Variants in ELP4 observed in about 807,000 individuals in gnomAD.
ELP4 encodes the protein elongator complex protein 4.
ELP4 carries 51 observed loss-of-function variants against 48.9 expected under a neutral mutation model. The ratio of observed to expected loss-of-function variants is 1.04; its 90% CI spans 0.83 to 1.32. The LOEUF (loss-of-function observed/expected upper bound fraction) is 1.32. Ranked by LOEUF, ELP4 falls within the 40% of genes most tolerant of loss-of-function variation. The probability of loss-of-function intolerance (pLI) is 0.00; values close to 1 mark genes in which losing one functional copy is unlikely to be tolerated. For missense variants in ELP4, 519 were observed against 514.6 expected, an observed-to-expected ratio of 1.01 and a Z score of -0.08; for synonymous variants, 210 against 189.2, an observed-to-expected ratio of 1.11 and a Z score of -0.90.
intron 3 of ELP4, among the ~76,000 whole-genome samples, chr11:31,572,827 A>G (rs781199108): frequency 2.0e-5 from 3 of 152,096 alleles, no homozygotes; most frequent in East Asian, 1.9e-4. Flanking sequence ...ATAGCAAGAC[A>G]CCATCTCTAC....
At chr11:31,734,939 C>T (rs1261320766) in intron 9 of ELP4, among the ~76,000 whole-genome samples, 3 of 152,162 alleles carry the variant, frequency 2.0e-5, no homozygotes, top group African/African-American at 7.2e-5. Context: ...GGAGTCTTCA[C>T]ATGTCCTGAT....
chr11:31,662,106 G>C (rs1200952927), intron 9 of ELP4, among the ~76,000 whole-genome samples: 1 of 151,892 alleles, frequency 6.6e-6, no homozygotes, highest in Admixed American at 6.6e-5. Flanking sequence ...TTAAATTAAG[G>C]ACAATTATAT....
At chr11:31,738,600 G>T (rs892498630) in intron 9 of ELP4, among the ~76,000 whole-genome samples, 1 of 152,104 alleles carries the variant, frequency 6.6e-6, no homozygotes, top group East Asian at 1.9e-4. Context: ...GCCGAGCATG[G>T]TGGAATGCGC....
intron 7 of ELP4, chr11:31,647,310 C>T (rs925373063): frequency 1.3e-5 from 2 of 157,548 alleles, no homozygotes; most frequent in African/African-American, 4.8e-5. Flanking sequence ...GGGACTCTTG[C>T]CCTATACTTT....
intron 9 of ELP4, among the ~76,000 whole-genome samples, chr11:31,667,167 AGATGTTTAGATGGCCTGAGAAGGTT>A (rs1945698076): frequency 6.6e-6 from 1 of 152,184 alleles, no homozygotes; most frequent in East Asian, 1.9e-4. Context: ...TCCCACCTGA[AGATGTTTAGATGGCCTGAGAAGGTT>A]GGCCCATAGA....
intron 7 of ELP4, among the ~76,000 whole-genome samples, chr11:31,640,829 A>G (rs1313262781): frequency 1.3e-5 from 2 of 152,118 alleles, no homozygotes; most frequent in South Asian, 4.1e-4. Flanking sequence ...TCAGCATAGT[A>G]GAGCCACTGT....
intron 9 of ELP4, among the ~76,000 whole-genome samples, chr11:31,725,193 A>AACTC (rs1947051614): frequency 5.3e-5 from 8 of 152,170 alleles, no homozygotes; most frequent in Non-Finnish European, 1.0e-4. Flanking sequence ...TGAGTTTTTC[A>AACTC]GAGGCCCTGT....
intron 9 of ELP4, among the ~76,000 whole-genome samples, chr11:31,781,786 T>A (rs1344103392): frequency 1.3e-5 from 2 of 152,056 alleles, no homozygotes; most frequent in Admixed American, 6.6e-5. Flanking sequence ...AATGAGCCAG[T>A]GTGCCTGGCC....
intron 7 of ELP4, among the ~76,000 whole-genome samples, chr11:31,638,138 A>T (rs1298106039): frequency 2.6e-5 from 4 of 151,844 alleles, no homozygotes; most frequent in Non-Finnish European, 5.9e-5. Flanking sequence ...GCTAATCTTT[A>T]TTCAAGCTGT....
intron 3 of ELP4, among the ~76,000 whole-genome samples, chr11:31,556,428 T>C (rs1197422703): frequency 6.6e-6 from 1 of 151,600 alleles, no homozygotes; most frequent in African/African-American, 2.4e-5. Flanking sequence ...AAACATTTAT[T>C]AGTAGACTGA....
intron 9 of ELP4, among the ~76,000 whole-genome samples, chr11:31,678,766 G>A (rs1044779206): frequency 2.0e-5 from 3 of 152,046 alleles, no homozygotes; most frequent in Non-Finnish European, 4.4e-5. Context: ...AACTCATTGG[G>A]TAAATATCAA....
intron 3 of ELP4, among the ~76,000 whole-genome samples, chr11:31,586,970 A>C (rs1369373242): frequency 6.6e-6 from 1 of 151,992 alleles, no homozygotes; most frequent in African/African-American, 2.4e-5. Context: ...AAACTCCATG[A>C]TCTCTCTTGA....
At chr11:31,558,499 G>A (rs1956964010) in intron 3 of ELP4, among the ~76,000 whole-genome samples, 2 of 152,146 alleles carry the variant, frequency 1.3e-5, no homozygotes, top group South Asian at 2.1e-4. Context: ...CAGAAAAGTT[G>A]TCTAAGTCAT....
intron 5 of ELP4, among the ~76,000 whole-genome samples, chr11:31,618,985 G>T (rs2134024015): frequency 6.6e-6 from 1 of 152,098 alleles, no homozygotes; most frequent in African/African-American, 2.4e-5. Flanking sequence ...GGATGGGATG[G>T]GGGTGGTCAC....
At chr11:31,512,271 T>C (rs1221444332) in intron 1 of ELP4, 10 of 152,210 alleles carry the variant, frequency 6.6e-5, no homozygotes, top group African/African-American at 2.4e-4. Flanking sequence ...GTGGTTACTG[T>C]GTAACAAGTA....
At chr11:31,728,323 A>G (rs1225132825) in intron 9 of ELP4, among the ~76,000 whole-genome samples, 1 of 152,140 alleles carries the variant, frequency 6.6e-6, no homozygotes, top group Non-Finnish European at 1.5e-5. Context: ...TTCAAAGTTC[A>G]TAAAAATGTC....
chr11:31,629,265 A>G (rs1016718056), intron 6 of ELP4, among the ~76,000 whole-genome samples: 8 of 152,074 alleles, frequency 5.3e-5, no homozygotes, highest in Non-Finnish European at 1.0e-4. Flanking sequence ...TCTCGTAGGA[A>G]TAAAACTATT....
intron 3 of ELP4, among the ~76,000 whole-genome samples, chr11:31,545,974 G>T (rs561574857): frequency 6.6e-6 from 1 of 152,034 alleles, no homozygotes; most frequent in Non-Finnish European, 1.5e-5. Context: ...TAAAAGAGCT[G>T]CTGAAGGAAG....
At chr11:31,715,158 G>A in intron 9 of ELP4, 1 of 181,058 alleles carries the variant, frequency 5.5e-6, no homozygotes, top group Non-Finnish European at 1.1e-5. Context: ...AGCTGAATTT[G>A]AGAAAAAGAA....
Sources: allele counts gnomAD v4.1 joint callset (sites outside exome capture counted in the v4.1 genomes callset), GRCh38; gene constraint gnomAD v4.1.1; transcripts MANE v1.5; gene names NCBI Gene and HGNC (gene_info 2026-07-23, HGNC 2026-07-21).